The following RUNDC3B variants were observed in gnomAD, a reference collection of about 807,000 sequenced individuals.
RUNDC3B encodes RUN domain containing 3B.
In RUNDC3B, 33 loss-of-function variants were observed where a neutral mutation model predicts 58.4. The ratio of observed to expected loss-of-function variants is 0.56; its 90% CI spans 0.43 to 0.75. RUNDC3B has a LOEUF of 0.75. Ranked by LOEUF, RUNDC3B falls within the 30% of genes least tolerant of loss-of-function variation. The pLI, the probability that RUNDC3B is intolerant of heterozygous loss-of-function variation, is 0.00. For synonymous variants in RUNDC3B, 193 were observed against 195.2 expected (o/e 0.99, Z 0.10); for missense variants, 501 against 535.7 (o/e 0.94, Z 0.64).
At chr7:87,780,325 G>C (rs1038059260) in intron 8 of RUNDC3B, among the ~76,000 whole-genome samples, 1 of 151,862 alleles carries the variant, frequency 6.6e-6, no homozygotes, top group African/African-American at 2.4e-5. Context: ...CATCTGACTG[G>C]TGTCAGAATG....
intron 2 of RUNDC3B, chr7:87,693,796 G>A: frequency 1.1e-6 from 1 of 945,720 alleles, no homozygotes; most frequent in Non-Finnish European, 1.6e-6. Flanking sequence ...AGTGTTTACT[G>A]CTTCAAAATT....
intron 1 of RUNDC3B, among the ~76,000 whole-genome samples, chr7:87,641,924 G>A (rs1406789110): frequency 1.3e-5 from 2 of 151,824 alleles, no homozygotes; most frequent in Non-Finnish European, 2.9e-5. Context: ...TATATTTCAG[G>A]TCTAATCTCA....
At chr7:87,750,260 T>C (rs1832889645) in intron 6 of RUNDC3B, among the ~76,000 whole-genome samples, 1 of 152,134 alleles carries the variant, frequency 6.6e-6, no homozygotes, top group Non-Finnish European at 1.5e-5. Flanking sequence ...TGCCACATTT[T>C]CTTAATCCAG....
rs1225609189 is a variant in RUNDC3B, at chr7:87,643,112, CT to C, written c.123-7708del. ...TTACATTTCCTTATAGAGATGGGCT[CT>C]TGCTTTGTTGCTCAAACTCCTGACC... On this transcript the variant is annotated intron_variant, in intron 1 of 10. Transcript: ENST00000394654. 3.3e-5 allele frequency among the ~76,000 whole-genome samples: 5 copies of C among 152,258 alleles called. No homozygotes were observed. In the East Asian group the frequency reaches 9.7e-4, roughly 29 times the overall value.
intron 6 of RUNDC3B, among the ~76,000 whole-genome samples, chr7:87,755,257 G>C (rs1833301648): frequency 6.6e-6 from 1 of 152,044 alleles, no homozygotes; most frequent in Admixed American, 6.6e-5. Context: ...TCCTGACCTT[G>C]TGATCCACCT....
At chr7:87,766,144 C>T (rs1833966498) in intron 6 of RUNDC3B, among the ~76,000 whole-genome samples, 1 of 152,024 alleles carries the variant, frequency 6.6e-6, no homozygotes, top group Non-Finnish European at 1.5e-5. Context: ...TTGCATGATA[C>T]ATCTTTTTCA....
intron 5 of RUNDC3B, among the ~76,000 whole-genome samples, chr7:87,741,099 G>A (rs1832296994): frequency 6.6e-6 from 1 of 151,932 alleles, no homozygotes; most frequent in African/African-American, 2.4e-5. Flanking sequence ...CAGCTACCCA[G>A]GAGGCTGAGG....
chr7:87,649,638 A>G (rs990411484), intron 1 of RUNDC3B, among the ~76,000 whole-genome samples: 1 of 152,154 alleles, frequency 6.6e-6, no homozygotes, highest in Non-Finnish European at 1.5e-5. Flanking sequence ...AATATAGTAC[A>G]CTTTACAGAT....
chr7:87,654,943 C>T (rs1417205017), intron 2 of RUNDC3B, among the ~76,000 whole-genome samples: 1 of 151,990 alleles, frequency 6.6e-6, no homozygotes, highest in Non-Finnish European at 1.5e-5. Context: ...AAAAGGTGCT[C>T]AAAATCACTA....
intron 8 of RUNDC3B, among the ~76,000 whole-genome samples, chr7:87,796,104 T>A (rs1352492926): frequency 6.6e-6 from 1 of 152,190 alleles, no homozygotes; most frequent in Non-Finnish European, 1.5e-5. Context: ...TACTTATACA[T>A]AATGGAGTAC....
chr7:87,708,962 C>T (rs1237379166), intron 3 of RUNDC3B, among the ~76,000 whole-genome samples: 3 of 152,112 alleles, frequency 2.0e-5, no homozygotes, highest in African/African-American at 4.8e-5. Context: ...ATGGATCACC[C>T]TTATCAACTG....
At chr7:87,632,546 CA>C (rs1239264033) in intron 1 of RUNDC3B, among the ~76,000 whole-genome samples, 1 of 152,106 alleles carries the variant, frequency 6.6e-6, no homozygotes, top group African/African-American at 2.4e-5. Context: ...CACTCAACTT[CA>C]AAATATTCAT....
At chr7:87,808,480 A>G (rs1348299623) in intron 9 of RUNDC3B, among the ~76,000 whole-genome samples, 2 of 152,160 alleles carry the variant, frequency 1.3e-5, no homozygotes, top group Non-Finnish European at 2.9e-5. Flanking sequence ...TGTTTTGTCT[A>G]TCAAAGGCAG....
intron 2 of RUNDC3B, among the ~76,000 whole-genome samples, chr7:87,691,906 C>T (rs910538649): frequency 2.0e-5 from 3 of 152,102 alleles, no homozygotes. Context: ...CTTTTCTCAT[C>T]TGTAAAATGA....
chr7:87,755,557 G>T (rs1341609325), intron 6 of RUNDC3B, among the ~76,000 whole-genome samples: 15 of 151,362 alleles, frequency 9.9e-5, no homozygotes, highest in Admixed American at 9.2e-4. Flanking sequence ...TCAGTGCAAG[G>T]TTGGTTCAAC....
chr7:87,753,446 A>G (rs570519579), intron 6 of RUNDC3B, among the ~76,000 whole-genome samples: 6 of 152,094 alleles, frequency 3.9e-5, no homozygotes, highest in East Asian at 1.9e-4. Flanking sequence ...TTTCTGTCTC[A>G]TTGATCTGTC....
intron 8 of RUNDC3B, among the ~76,000 whole-genome samples, chr7:87,793,453 A>G (rs1279077730): frequency 1.4e-4 from 22 of 152,120 alleles, no homozygotes; most frequent in Admixed American, 1.4e-3. Context: ...CAAATTCAAC[A>G]ATACACTAAA....
intron 6 of RUNDC3B, 152 bp downstream of exon 6, chr7:87,741,731 T>C: frequency 2.0e-6 from 1 of 498,182 alleles, no homozygotes. Flanking sequence ...ATTTTTAGTA[T>C]TTATTATTTA....
Position 87,832,017 on chromosome 7 carries a change from T to C in RUNDC3B, c.*1987T>C, listed in dbSNP as rs1838151846. 1 of 152,002 alleles carries C rather than the reference T, an allele frequency of 6.6e-6. No homozygotes were observed. Among genetic ancestry groups the C allele is most frequent in the African/African-American group, 2.4e-5 (1 of 41,446 alleles). 9.4% of individuals were successfully genotyped at this position (152,002 alleles called of 1,614,324 possible). On this transcript the variant is annotated 3_prime_UTR_variant, in exon 11 of 11. Transcript: ENST00000394654. ...ATTTAAACATTACATCTGAGGATCA[T>C]GACTTTTCCTCCTTTCTTGGAGATC...
Sources: allele counts gnomAD v4.1 joint callset (sites outside exome capture counted in the v4.1 genomes callset), GRCh38; gene constraint gnomAD v4.1.1; transcripts MANE v1.5; gene names NCBI Gene and HGNC (gene_info 2026-07-23, HGNC 2026-07-21).